The following DAAM1 variants were observed in gnomAD, a reference collection of about 807,000 sequenced individuals.
DAAM1 encodes the protein dishevelled associated activator of morphogenesis 1, also known as disheveled-associated activator of morphogenesis 1.
DAAM1 carries 52 observed loss-of-function variants against 130.0 expected under a neutral mutation model. The ratio of observed to expected loss-of-function variants is 0.40; its 90% CI spans 0.32 to 0.50. The LOEUF (loss-of-function observed/expected upper bound fraction) is 0.50, where lower values mean the gene tolerates loss of function less well. Among genes scored for constraint, DAAM1 ranks in the 20% least tolerant of loss-of-function variants. The pLI is 0.61. For synonymous variants in DAAM1, 452 were observed against 444.5 expected (o/e 1.02, Z -0.21); for missense variants, 1,134 against 1,303.8 (o/e 0.87, Z 2.01).
At chr14:59,337,863 A>G (rs865776638) in intron 15 of DAAM1, among the ~76,000 whole-genome samples, 1 of 132,272 alleles carries the variant, frequency 7.6e-6, no homozygotes, top group South Asian at 2.6e-4. Context: ...GAGTTGTTCA[A>G]CCTGTCTTTT....
chr14:59,339,863 TG>T (rs1301575137), intron 15 of DAAM1, among the ~76,000 whole-genome samples: 5 of 152,208 alleles, frequency 3.3e-5, no homozygotes, highest in Non-Finnish European at 5.9e-5. Context: ...CAAATGTGGG[TG>T]GTCAGCTTTT....
chr14:59,226,996 T>G (rs1022334843), intron 1 of DAAM1, among the ~76,000 whole-genome samples: 2 of 152,186 alleles, frequency 1.3e-5, no homozygotes, highest in Admixed American at 1.3e-4. Context: ...GTTTGTCAGA[T>G]TTTTCCCCCA....
chr14:59,218,609 A>G (rs1888665655), intron 1 of DAAM1, among the ~76,000 whole-genome samples: 1 of 152,220 alleles, frequency 6.6e-6, no homozygotes, highest in Non-Finnish European at 1.5e-5. Flanking sequence ...CATGTCCAAG[A>G]GTGAAATCAA....
At chr14:59,337,723 G>A (rs995225351) in intron 15 of DAAM1, among the ~76,000 whole-genome samples, 8 of 152,114 alleles carry the variant, frequency 5.3e-5, no homozygotes, top group South Asian at 2.1e-4. Flanking sequence ...ACAGGGCCAC[G>A]AATGGCTGCA....
rs1370645603 is a variant in DAAM1 at position 59,369,015 on chromosome 14, A to G, written c.*156A>G. 4 of 636,094 alleles carry G rather than the reference A, an allele frequency of 6.3e-6. No individual in the cohort carries two copies. Among genetic ancestry groups the G allele is most frequent in the Non-Finnish European group, 5.4e-6 (2 of 373,826 alleles). The allele number at this position is 636,094 out of a possible 1,614,324, so 39.4% of individuals were successfully genotyped here. On this transcript the variant is annotated 3_prime_UTR_variant, in exon 25 of 25. Coordinates refer to ENST00000360909, the MANE Select transcript of DAAM1 (RefSeq NM_001270520.2). ...TGTGTATGTAAATGTATGTGTGTAT[A>G]TATTAAAAAATGTATATAGATGTCT...
At chr14:59,283,347 A>C (rs574198745) in intron 2 of DAAM1, among the ~76,000 whole-genome samples, 42 of 152,342 alleles carry the variant, frequency 2.8e-4, no homozygotes, top group African/African-American at 1.0e-3. Flanking sequence ...AGGAAGAAAA[A>C]TAATTACTTC....
At chr14:59,298,844 C>G (rs1437691166) in intron 3 of DAAM1, among the ~76,000 whole-genome samples, 2 of 152,306 alleles carry the variant, frequency 1.3e-5, no homozygotes, top group South Asian at 2.1e-4. Context: ...CCAGCTGTGT[C>G]CCTACAACCA....
At chr14:59,328,892 G>C (rs927965902) in intron 12 of DAAM1, among the ~76,000 whole-genome samples, 41 of 152,182 alleles carry the variant, frequency 2.7e-4, no homozygotes, top group African/African-American at 9.4e-4. Flanking sequence ...TTTTTTTCTA[G>C]AAGCTTCAGG....
chr14:59,247,894 G>T (rs1881463435), intron 1 of DAAM1, among the ~76,000 whole-genome samples: 2 of 152,080 alleles, frequency 1.3e-5, no homozygotes, highest in South Asian at 4.1e-4. Context: ...AACTTGGATG[G>T]TTATTTAATA....
intron 2 of DAAM1, among the ~76,000 whole-genome samples, chr14:59,284,412 G>A (rs1883355307): frequency 6.6e-6 from 1 of 152,098 alleles, no homozygotes; most frequent in Non-Finnish European, 1.5e-5. Context: ...GCCATTCAGA[G>A]GGGGACTTTT....
chr14:59,195,170 A>G (rs1887846762), intron 1 of DAAM1, among the ~76,000 whole-genome samples: 1 of 126,052 alleles, frequency 7.9e-6, no homozygotes, highest in African/African-American at 3.1e-5. Context: ...TTTTGAGACA[A>G]TCTTGCTCTG....
intron 2 of DAAM1, among the ~76,000 whole-genome samples, chr14:59,269,947 G>C (rs898870317): frequency 2.0e-5 from 3 of 152,168 alleles, no homozygotes; most frequent in African/African-American, 4.8e-5. Context: ...GTATGTTTGG[G>C]ATGGTTATAT....
chr14:59,331,946 C>G (rs370166677), intron 15 of DAAM1, 26 bp downstream of exon 15: 67 of 1,583,144 alleles, frequency 4.2e-5, no homozygotes, highest in Non-Finnish European at 5.5e-5. Flanking sequence ...CTCCAGACAC[C>G]AAAAAGGTAG....
intron 1 of DAAM1, among the ~76,000 whole-genome samples, chr14:59,212,277 A>G (rs1255801161): frequency 6.6e-6 from 1 of 152,234 alleles, no homozygotes; most frequent in East Asian, 1.9e-4. Context: ...GTCGGGAGTT[A>G]TAAACTTTTT....
intron 20 of DAAM1, 148 bp downstream of exon 20, chr14:59,355,481 A>G (rs1407862670): frequency 2.0e-6 from 2 of 998,560 alleles, no homozygotes; most frequent in African/African-American, 1.7e-5. Flanking sequence ...CTTCTCTGAC[A>G]TTGACTCTTC....
chr14:59,211,831 A>G (rs761830134), intron 1 of DAAM1, among the ~76,000 whole-genome samples: 1 of 152,258 alleles, frequency 6.6e-6, no homozygotes, highest in Non-Finnish European at 1.5e-5. Flanking sequence ...TAATGATTTT[A>G]AACAGCCTCT....
intron 2 of DAAM1, among the ~76,000 whole-genome samples, chr14:59,277,270 G>T (rs1319655431): frequency 1.3e-5 from 2 of 151,768 alleles, no homozygotes; most frequent in South Asian, 2.1e-4. Context: ...CATTTCCTTC[G>T]ATTGATTTGT....
At chr14:59,256,003 C>G (rs1881867416) in intron 1 of DAAM1, among the ~76,000 whole-genome samples, 1 of 151,896 alleles carries the variant, frequency 6.6e-6, no homozygotes, top group Non-Finnish European at 1.5e-5. Context: ...GCCATTTCCA[C>G]TAAACCCCTC....
intron 2 of DAAM1, among the ~76,000 whole-genome samples, chr14:59,278,392 G>T (rs1476887162): frequency 6.6e-6 from 1 of 152,102 alleles, no homozygotes; most frequent in Non-Finnish European, 1.5e-5. Context: ...GGTGATTCAT[G>T]GCCTGCACAG....
Sources: gnomAD v4.1 joint callset for allele counts (sites outside exome capture counted in the v4.1 genomes callset) on GRCh38, gnomAD v4.1.1 for gene constraint, MANE v1.5 for transcripts, NCBI Gene and HGNC (gene_info 2026-07-23, HGNC 2026-07-21) for gene names.